Variants in KIF5A observed in about 807,000 individuals in gnomAD.
KIF5A encodes the protein kinesin family member 5A.
In KIF5A, 35 loss-of-function variants were observed where a neutral mutation model predicts 141.3. The observed-to-expected ratio is 0.25, with a 90% confidence interval of 0.19 to 0.33. The LOEUF (loss-of-function observed/expected upper bound fraction) is 0.33. Ranked by LOEUF, KIF5A falls within the 10% of genes least tolerant of loss-of-function variation. The pLI is 1.00. For synonymous variants in KIF5A, 448 were observed against 500.2 expected (o/e 0.90, Z 1.39); for missense variants, 861 against 1,314.3 (o/e 0.66, Z 5.33).
At chr12:57,565,517 G>A (rs960383289) in intron 6 of KIF5A, among the ~76,000 whole-genome samples, 4 of 151,572 alleles carry the variant, frequency 2.6e-5, no homozygotes, top group Non-Finnish European at 5.9e-5. Context: ...TGGAAGAAAT[G>A]CCTGTAATCC....
At chr12:57,555,776 G>A (rs1228234649) in intron 1 of KIF5A, among the ~76,000 whole-genome samples, 2 of 150,638 alleles carry the variant, frequency 1.3e-5, no homozygotes, top group South Asian at 2.1e-4. Flanking sequence ...GGGCGTGGTG[G>A]TGGGCGCCTG....
At position 57,563,624 on chromosome 12, in the gene KIF5A, C is replaced by T. The variant is rs771052356; in HGVS notation, c.222C>T (p.Val74=). 1.2e-6 allele frequency: 2 copies of T among 1,614,070 alleles called. No homozygotes were observed. The highest frequency in any genetic ancestry group is 2.2e-5 in the South Asian group (2 of 91,080). ...HACAMQIVKD[V]LAGYNGTIFA... is the part of the protein sequence containing the mutation. ...TTTCTCTACTGTCTCTTCCAGATGTCCTTGCTGGCTACAATGGCACCATTT... is the reference window on the plus strand; with the variant it reads ...TTTCTCTACTGTCTCTTCCAGATGTTCTTGCTGGCTACAATGGCACCATTT... Residue 74 remains valine, a synonymous_variant, in exon 3 of 29, where the codon GTC becomes GTT. Coordinates refer to ENST00000455537, the MANE Select transcript of KIF5A (RefSeq NM_004984.4).
intron 13 of KIF5A, 83 bp downstream of exon 13, chr12:57,571,472 GA>G (rs1258565954): frequency 2.8e-6 from 4 of 1,431,002 alleles, no homozygotes; most frequent in Non-Finnish European, 3.9e-6. Flanking sequence ...TTTAAAATCA[GA>G]TGGAAGAAGG....
chr12:57,574,488 G>A (rs1882359328), intron 15 of KIF5A, among the ~76,000 whole-genome samples: 1 of 151,894 alleles, frequency 6.6e-6, no homozygotes, highest in Admixed American at 6.6e-5. Context: ...TGGCCAGGCT[G>A]GTCTCGAACT....
chr12:57,558,650 G>A (rs748733852), intron 1 of KIF5A, among the ~76,000 whole-genome samples: 97 of 152,182 alleles, frequency 6.4e-4, no homozygotes, highest in Admixed American at 7.9e-4. Context: ...CTCCAGCTTG[G>A]GCGACAGAGC....
chr12:57,550,479 G>C lies in KIF5A; in HGVS notation c.129+79G>C. On this transcript the variant is annotated intron_variant, in intron 1 of 28. Transcript: ENST00000455537. This position sits in a 1 kb window ranked among gnomAD's most constrained non-coding sequence, Gnocchi z 4.6. ...CGCCCCCCGCAGAGCCTTAGTCTCT[G>C]CTGGTCCCTTTGCTCCCCCTCCCCG... 6.7e-7 allele frequency: 1 copy of C among 1,493,066 alleles called. No individual in the cohort carries two copies. Among genetic ancestry groups the C allele is most frequent in the Admixed American group, 1.7e-5 (1 of 58,068 alleles). The allele number at this position is 1,493,066 out of a possible 1,614,324, so 92.5% of individuals were successfully genotyped here. A position where few individuals can be genotyped will look rare whatever the true frequency, so the allele number is the denominator to read the frequency against.
chr12:57,564,360 C>A, intron 4 of KIF5A, 100 bp from the exon 5 acceptor site: 1 of 1,116,734 alleles, frequency 9.0e-7, no homozygotes, highest in Non-Finnish European at 1.4e-6. Context: ...TGTTCTTTTC[C>A]TCCCACCACC....
intron 19 of KIF5A, 74 bp downstream of exon 19, chr12:57,576,452 C>A: frequency 1.7e-6 from 2 of 1,152,362 alleles, no homozygotes; most frequent in Admixed American, 3.7e-5. Flanking sequence ...CATGTCCCCT[C>A]TGGGTCTGAT....
At chr12:57,583,873 A>C (rs1273483857) in intron 28 of KIF5A, among the ~76,000 whole-genome samples, 1 of 152,038 alleles carries the variant, frequency 6.6e-6, no homozygotes, top group East Asian at 1.9e-4. Context: ...TGGGTTTCTC[A>C]CCAAGGTTGC....
At chr12:57,581,324 A>G in intron 24 of KIF5A, 91 bp from the exon 25 acceptor site, 1 of 1,570,084 alleles carries the variant, frequency 6.4e-7, no homozygotes, top group Non-Finnish European at 8.7e-7. Flanking sequence ...TGTTACAAGC[A>G]ACTCAGTTCA....
chr12:57,583,727 G>GA (rs1882676245), intron 28 of KIF5A, among the ~76,000 whole-genome samples: 1 of 152,150 alleles, frequency 6.6e-6, no homozygotes, highest in Non-Finnish European at 1.5e-5. Flanking sequence ...TAAGCTTTAG[G>GA]AAACGCCCCA....
At chr12:57,578,909 CA>C (rs2140170073) in intron 23 of KIF5A, among the ~76,000 whole-genome samples, 1 of 152,202 alleles carries the variant, frequency 6.6e-6, no homozygotes, top group East Asian at 1.9e-4. Flanking sequence ...ACAAAAAATA[CA>C]AAAATTAGCC....
Position 57,564,102 on chromosome 12 carries a change from C to T in KIF5A, c.292-6C>T, listed in dbSNP as rs369913032. On this transcript the variant is annotated splice_region_variant and splice_polypyrimidine_tract_variant and intron_variant, in intron 3 of 28. Transcript: ENST00000455537. ...AGCTTCACTCTCAAATACCTTCACT[C>T]GCCAGGGAAAGCTGCACGACCCTCA... 34 of 1,609,576 alleles carry T rather than the reference C, an allele frequency of 2.1e-5. No homozygotes were observed. Among genetic ancestry groups the T allele is most frequent in the Middle Eastern group, 3.3e-4 (2 of 6,070 alleles).
rs1305247048 is a variant in KIF5A, at chr12:57,563,534, A to G, written c.217+8A>G. Reference sequence around the variant, plus strand: ...CCATGCAGATTGTCAAAGGTAATAGATTTCTTTTTAGAATGTCTCTTCTCA... The same window carrying G: ...CCATGCAGATTGTCAAAGGTAATAGGTTTCTTTTTAGAATGTCTCTTCTCA... On this transcript the variant is annotated splice_region_variant and intron_variant, in intron 2 of 28. Coordinates refer to ENST00000455537, the MANE Select transcript of KIF5A (RefSeq NM_004984.4). The G allele has an allele frequency of 3.1e-6, 5 of 1,612,282 alleles. No individual in the cohort carries two copies. The highest frequency in any genetic ancestry group is 4.2e-6 in the Non-Finnish European group (5 of 1,178,532).
In KIF5A at chr12:57,564,010, T is replaced by C. The variant is rs144256641; in HGVS notation, c.292-98T>C. On this transcript the variant is annotated intron_variant, in intron 3 of 28. Coordinates refer to ENST00000455537, the MANE Select transcript of KIF5A (RefSeq NM_004984.4). ...GACCATCTCCTAACTTAGGATGTTC[T>C]TCTTATTGACTCTTGCCTTGGTGTT... 28 of 871,872 alleles carry C rather than the reference T, an allele frequency of 3.2e-5. No individual in the cohort carries two copies. The East Asian group carries it at 6.7e-4, about 21-fold the overall frequency. The allele number at this position is 871,872 out of a possible 1,614,324, so 54.0% of individuals were successfully genotyped here.
chr12:57,556,258 C>G (rs1212767929), intron 1 of KIF5A, among the ~76,000 whole-genome samples: 2 of 152,016 alleles, frequency 1.3e-5, no homozygotes, highest in African/African-American at 4.8e-5. Flanking sequence ...TCTGCCTCAG[C>G]CTCCCAAGCA....
At chr12:57,571,458 C>T (rs749607546) in intron 13 of KIF5A, 69 bp downstream of exon 13, 8 of 1,531,178 alleles carry the variant, frequency 5.2e-6, no homozygotes, top group Non-Finnish European at 7.2e-6. Context: ...ATGGAATAGA[C>T]CTTTTTAAAA....
intron 6 of KIF5A, among the ~76,000 whole-genome samples, chr12:57,566,447 T>C (rs1404937345): frequency 6.6e-6 from 1 of 150,880 alleles, no homozygotes; most frequent in African/African-American, 2.4e-5. Context: ...TCTCTCTTGT[T>C]GCCCAGGCTG....
chr12:57,564,607 A>G, intron 5 of KIF5A, 99 bp downstream of exon 5: 1 of 1,031,958 alleles, frequency 9.7e-7, no homozygotes, highest in Non-Finnish European at 1.5e-6. Flanking sequence ...CAAGAGATGC[A>G]GAGGGCACAC....
Sources: allele counts gnomAD v4.1 joint callset (sites outside exome capture counted in the v4.1 genomes callset), GRCh38; gene constraint gnomAD v4.1.1; non-coding constraint Gnocchi (gnomAD v3.1); transcripts MANE v1.5; gene names NCBI Gene and HGNC (gene_info 2026-07-23, HGNC 2026-07-21).